Variants in IL1RAPL2 observed in about 807,000 individuals in gnomAD.
IL1RAPL2 encodes the protein interleukin 1 receptor accessory protein like 2.
A neutral mutation model predicts 44.1 loss-of-function variants in IL1RAPL2; 3 were observed. The ratio of observed to expected loss-of-function variants is 0.07; its 90% confidence interval spans 0.03 to 0.18. The LOEUF (loss-of-function observed/expected upper bound fraction) is 0.18. Among genes scored for constraint, IL1RAPL2 ranks in the 10% least tolerant of loss-of-function variants. The pLI, the probability that IL1RAPL2 is intolerant of heterozygous loss-of-function variation, is 1.00. For synonymous variants in IL1RAPL2, 181 were observed against 178.8 expected (o/e 1.01, Z -0.10); for missense variants, 391 against 496.4 (o/e 0.79, Z 2.02).
chrX:104,915,274 G>C (rs1924382623), intron 2 of IL1RAPL2, among the ~76,000 whole-genome samples: 1 of 110,559 alleles, frequency 9.0e-6, no homozygotes, highest in African/African-American at 3.3e-5. Flanking sequence ...GGTATGAGAT[G>C]GTATCTCATT....
At chrX:104,675,349 G>A (rs1335354234) in intron 2 of IL1RAPL2, among the ~76,000 whole-genome samples, 1 of 111,504 alleles carries the variant, frequency 9.0e-6, no homozygotes, top group Admixed American at 9.5e-5. Flanking sequence ...CCTTCATTTC[G>A]TTATGTACCC....
chrX:105,032,757 A>C (rs991065664), intron 2 of IL1RAPL2, among the ~76,000 whole-genome samples: 4 of 111,052 alleles, frequency 3.6e-5, no homozygotes, highest in African/African-American at 9.8e-5. Context: ...TGGTACAGAG[A>C]TGAGTTCAGT....
At chrX:104,763,917 A>C (rs1393197453) in intron 2 of IL1RAPL2, among the ~76,000 whole-genome samples, 1 of 111,570 alleles carries the variant, frequency 9.0e-6, no homozygotes, top group Non-Finnish European at 1.9e-5. Context: ...CCATTGGTCT[A>C]TGTATGTATG....
chrX:105,628,569 A>G (rs759831342), intron 6 of IL1RAPL2, among the ~76,000 whole-genome samples: 1 of 112,653 alleles, frequency 8.9e-6, no homozygotes, highest in Non-Finnish European at 1.9e-5. Context: ...TCCCAAGAAA[A>G]AAGAAAGACA....
At chrX:104,930,571 G>T (rs1377171214) in intron 2 of IL1RAPL2, among the ~76,000 whole-genome samples, 1 of 111,890 alleles carries the variant, frequency 8.9e-6, no homozygotes, top group Non-Finnish European at 1.9e-5. Context: ...AGGAAGCAGA[G>T]AAAATCAGGA....
chrX:105,355,715 A>G (rs1337791389), intron 5 of IL1RAPL2, among the ~76,000 whole-genome samples: 1 of 111,504 alleles, frequency 9.0e-6, no homozygotes, highest in Non-Finnish European at 1.9e-5. Flanking sequence ...AGACTTTCAT[A>G]TTTGTGGTAT....
intron 4 of IL1RAPL2, among the ~76,000 whole-genome samples, chrX:105,241,292 A>G (rs1238315858): frequency 2.7e-5 from 3 of 111,298 alleles, no homozygotes; most frequent in African/African-American, 9.8e-5. Flanking sequence ...GTCACCATAA[A>G]TCATTCATTT....
chrX:105,281,071 C>T (rs1210410575), intron 5 of IL1RAPL2, among the ~76,000 whole-genome samples: 2 of 111,821 alleles, frequency 1.8e-5, no homozygotes, highest in Non-Finnish European at 3.8e-5. Context: ...GGCACATGTA[C>T]ACCATGGAAT....
chrX:104,895,396 A>G (rs760407874), intron 2 of IL1RAPL2, among the ~76,000 whole-genome samples: 1 of 112,814 alleles, frequency 8.9e-6, no homozygotes, highest in African/African-American at 3.2e-5. Flanking sequence ...GAGTCTACAG[A>G]GGCAGGCAGG....
At chrX:105,524,867 A>G (rs1471079407) in intron 6 of IL1RAPL2, among the ~76,000 whole-genome samples, 1 of 111,081 alleles carries the variant, frequency 9.0e-6, no homozygotes, top group Non-Finnish European at 1.9e-5. Flanking sequence ...CTGTAAATTG[A>G]GGGTAAAGTA....
At chrX:105,148,234 TG>T (rs1298079936) in intron 2 of IL1RAPL2, among the ~76,000 whole-genome samples, 2 of 111,455 alleles carry the variant, frequency 1.8e-5, no homozygotes, top group Non-Finnish European at 3.8e-5. Flanking sequence ...AATTAACAAA[TG>T]GACCTATGGC....
At chrX:105,505,962 A>G (rs1446288977) in intron 6 of IL1RAPL2, among the ~76,000 whole-genome samples, 1 of 111,538 alleles carries the variant, frequency 9.0e-6, no homozygotes, top group Non-Finnish European at 1.9e-5. Flanking sequence ...GAGATGAAGT[A>G]AGATTAATAG....
chrX:105,010,516 G>A (rs182263094), intron 2 of IL1RAPL2, among the ~76,000 whole-genome samples: 11 of 111,792 alleles, frequency 9.8e-5, no homozygotes, highest in Non-Finnish European at 1.3e-4. Context: ...TGTCACTGTC[G>A]TAATTGGCCA....
At chrX:105,433,168 C>T (rs2035859471) in intron 5 of IL1RAPL2, among the ~76,000 whole-genome samples, 1 of 110,680 alleles carries the variant, frequency 9.0e-6, no homozygotes, top group Non-Finnish European at 1.9e-5. Context: ...TATTATTGAG[C>T]ACAATATAGT....
rs943089123 is a variant in IL1RAPL2 at position 105,488,169 on chromosome X, G to A, written c.772+3782G>A. On this transcript the variant is annotated intron_variant, in intron 6 of 10. Transcript: ENST00000372582. ...AAACTTGATTTTTCATTCTTCTCCCGTTGAATCTGGGTTGGCCGTCGGGAC... is the reference window on the plus strand; with the variant it reads ...AAACTTGATTTTTCATTCTTCTCCCATTGAATCTGGGTTGGCCGTCGGGAC... 4.5e-5 allele frequency among the ~76,000 whole-genome samples: 5 copies of A among 112,048 alleles called. No homozygotes were observed. In the Admixed American group the frequency reaches 4.7e-4, roughly 11 times the overall value.
intron 2 of IL1RAPL2, among the ~76,000 whole-genome samples, chrX:104,888,099 A>G (rs1207297832): frequency 1.8e-5 from 2 of 111,570 alleles, no homozygotes; most frequent in African/African-American, 6.5e-5. Flanking sequence ...GCACTCAGTG[A>G]AAAAACCCAA....
intron 5 of IL1RAPL2, among the ~76,000 whole-genome samples, chrX:105,374,945 C>CAAAA (rs149097097): frequency 1.0e-4 from 3 of 29,076 alleles, no homozygotes; most frequent in Non-Finnish European, 1.6e-4. Flanking sequence ...GACTCCATCT[C>CAAAA]AAAAAAAAAA....
intron 5 of IL1RAPL2, among the ~76,000 whole-genome samples, chrX:105,470,672 C>G (rs1452653138): frequency 8.9e-6 from 1 of 111,917 alleles, no homozygotes; most frequent in Non-Finnish European, 1.9e-5. Context: ...TGGAAATATA[C>G]TTGCCAGCTC....
chrX:104,748,967 T>G (rs1932216178), intron 2 of IL1RAPL2, among the ~76,000 whole-genome samples: 1 of 110,818 alleles, frequency 9.0e-6, no homozygotes, highest in Non-Finnish European at 1.9e-5. Context: ...GGCCCTTCAA[T>G]TTTAGAAGGA....
Sources: gnomAD v4.1 joint callset for allele counts (sites outside exome capture counted in the v4.1 genomes callset) on GRCh38, gnomAD v4.1.1 for gene constraint, MANE v1.5 for transcripts, NCBI Gene and HGNC (gene_info 2026-07-23, HGNC 2026-07-21) for gene names.